The following MPPED2 variants were observed in gnomAD, a reference collection of about 807,000 sequenced individuals.
MPPED2 encodes the protein metallophosphoesterase MPPED2.
Under a neutral mutation model 33.0 loss-of-function variants are expected in MPPED2, and 5 were observed. The observed-to-expected ratio is 0.15, with a 90% CI of 0.08 to 0.32. The LOEUF (loss-of-function observed/expected upper bound fraction) is 0.32, where lower values mean the gene tolerates loss of function less well. Ranked by LOEUF, MPPED2 falls within the 10% of genes least tolerant of loss-of-function variation. The pLI is 1.00. For missense variants in MPPED2, 275 were observed against 372.1 expected, an observed-to-expected ratio of 0.74 and a Z score of 2.15; for synonymous variants, 136 against 141.9, an observed-to-expected ratio of 0.96 and a Z score of 0.29.
intron 4 of MPPED2, among the ~76,000 whole-genome samples, chr11:30,427,205 CT>C (rs1948878203): frequency 6.6e-6 from 1 of 152,176 alleles, no homozygotes. Context: ...TGGATTTTGT[CT>C]TGTTACATAG....
At chr11:30,465,239 C>G (rs1950658893) in intron 4 of MPPED2, among the ~76,000 whole-genome samples, 1 of 152,174 alleles carries the variant, frequency 6.6e-6, no homozygotes, top group South Asian at 2.1e-4. Flanking sequence ...CTACCACACA[C>G]TGGACAGTAA....
At chr11:30,555,507 T>C (rs959001068) in intron 2 of MPPED2, among the ~76,000 whole-genome samples, 1 of 152,150 alleles carries the variant, frequency 6.6e-6, no homozygotes, top group African/African-American at 2.4e-5. Context: ...TCCCCATGTG[T>C]CATGGGATGG....
chr11:30,464,268 A>ACACACACACACACAC (rs1950617729), intron 4 of MPPED2, among the ~76,000 whole-genome samples: 1 of 145,916 alleles, frequency 6.9e-6, no homozygotes, highest in African/African-American at 2.5e-5. Context: ...AAAGGATACT[A>ACACACACACACACAC]ACACACACAC....
rs1038139669 is a variant in MPPED2, at chr11:30,388,659, C to T, written c.*230G>A. On this transcript the variant is annotated 3_prime_UTR_variant, in exon 7 of 7. Transcript: ENST00000448418. ...CCTTTATGCACTGGCCCCACCTCCC[C>T]AGTCTGTTTCCTCTTCCAGCAGAGC... The T allele has an allele frequency of 2.5e-5, 10 of 406,970 alleles. No individual in the cohort carries two copies. In the South Asian group the frequency reaches 4.8e-4, roughly 20 times the overall value. 25.2% of individuals were successfully genotyped at this position (406,970 alleles called of 1,614,324 possible). A position where few individuals can be genotyped will look rare whatever the true frequency, so the allele number is the denominator to read the frequency against.
chr11:30,571,155 CTTT>C (rs762616097), intron 2 of MPPED2, among the ~76,000 whole-genome samples: 1 of 140,786 alleles, frequency 7.1e-6, no homozygotes, highest in Admixed American at 7.1e-5. Flanking sequence ...CTTTCTTTTT[CTTT>C]TTTTTTTTTT....
chr11:30,501,010 A>T (rs1447394356), intron 3 of MPPED2, among the ~76,000 whole-genome samples: 1 of 152,222 alleles, frequency 6.6e-6, no homozygotes, highest in African/African-American at 2.4e-5. Context: ...CTAGCCGACT[A>T]ATCTCCAACT....
In MPPED2 at chr11:30,426,261, A is replaced by G. The variant is rs79440068; in HGVS notation, c.537-8628T>C. Among the ~76,000 whole-genome samples the G allele has an allele frequency of 5.7e-3, 874 of 152,330 alleles. 4 individuals carry two copies. Among genetic ancestry groups the G allele is most frequent in the African/African-American group, 0.02 (822 of 41,584 alleles). Reference sequence around the variant, plus strand: ...CATGTAAGTGGAATCAGATAGTAATAGTCCTTTTGTGTCTGGCTTATTTCA... The same window carrying G: ...CATGTAAGTGGAATCAGATAGTAATGGTCCTTTTGTGTCTGGCTTATTTCA... On this transcript the variant is annotated intron_variant, in intron 4 of 6. Coordinates refer to ENST00000358117, the MANE Select transcript of MPPED2 (RefSeq NM_001584.3).
intron 2 of MPPED2, among the ~76,000 whole-genome samples, chr11:30,548,218 C>A (rs199663216): frequency 6.7e-6 from 1 of 150,022 alleles, no homozygotes; most frequent in African/African-American, 2.5e-5. Context: ...AAGTAACTAT[C>A]TTTTTTTTTT....
intron 3 of MPPED2, among the ~76,000 whole-genome samples, chr11:30,522,175 A>AC (rs1953909357): frequency 6.6e-6 from 1 of 152,176 alleles, no homozygotes; most frequent in Non-Finnish European, 1.5e-5. Context: ...TAGAAAAAAA[A>AC]ATGTCATAAA....
intron 2 of MPPED2, among the ~76,000 whole-genome samples, chr11:30,554,191 T>C (rs1013223850): frequency 2.6e-5 from 4 of 152,060 alleles, no homozygotes; most frequent in Non-Finnish European, 2.9e-5. Context: ...CTCAGTTTAG[T>C]CCAAGGCCAG....
chr11:30,515,536 A>T (rs748336494), intron 3 of MPPED2, among the ~76,000 whole-genome samples: 1 of 152,176 alleles, frequency 6.6e-6, no homozygotes, highest in African/African-American at 2.4e-5. Flanking sequence ...ACATAACAGG[A>T]TAAATTGAAT....
chr11:30,438,618 A>G (rs1225905397), intron 4 of MPPED2, among the ~76,000 whole-genome samples: 1 of 152,228 alleles, frequency 6.6e-6, no homozygotes, highest in African/African-American at 2.4e-5. Flanking sequence ...ACCCATACAT[A>G]ACTGCATAAC....
exon 7 of MPPED2, chr11:30,388,031 C>A (rs1315509151): frequency 1.3e-5 from 2 of 152,182 alleles, no homozygotes; most frequent in Non-Finnish European, 2.9e-5. Context: ...ATATGATACC[C>A]CCAGCTGTCT....
rs1435621761 is a variant in MPPED2, at chr11:30,586,279, G to A, written c.-359C>T. ...GAAAGGACCCGAGCAGCCTCGATCT[G>A]GGGAGAGAGCGAGCGAGGGGGCGAG... On this transcript the variant is annotated 5_prime_UTR_variant, in exon 1 of 7. Coordinates refer to ENST00000358117, the MANE Select transcript of MPPED2 (RefSeq NM_001584.3). The surrounding 1 kb of genome is among the most constrained non-coding windows in gnomAD (Gnocchi z 4.8). 6.5e-6 allele frequency: 1 copy of A among 153,382 alleles called. No homozygotes were observed. The highest frequency in any genetic ancestry group is 1.4e-5 in the Non-Finnish European group (1 of 69,108). The allele number at this position is 153,382 out of a possible 1,614,324, so 9.5% of individuals were successfully genotyped here.
At chr11:30,574,549 A>C (rs977209834) in intron 2 of MPPED2, among the ~76,000 whole-genome samples, 1 of 152,216 alleles carries the variant, frequency 6.6e-6, no homozygotes, top group Non-Finnish European at 1.5e-5. Flanking sequence ...AAGACGACGA[A>C]GTAGGCAACA....
chr11:30,493,931 C>A (rs80091143), intron 4 of MPPED2, among the ~76,000 whole-genome samples: 1 of 152,328 alleles, frequency 6.6e-6, no homozygotes, highest in East Asian at 1.9e-4. Flanking sequence ...TCAACTGATA[C>A]AATCAAGATT....
chr11:30,405,937 G>T (rs1947982411), downstream of MPPED2, among the ~76,000 whole-genome samples: 1 of 152,048 alleles, frequency 6.6e-6, no homozygotes. Context: ...CACATCCAAG[G>T]CTACCCAGCA....
In MPPED2 at chr11:30,578,962, A is replaced by C. The variant is rs755008997; in HGVS notation, c.128+1284T>G. ...TTTAAAGAACGTATAAAGTTCTTTCAAATAGTTTAGCAGTAACCACTTACA... is the reference window on the plus strand; with the variant it reads ...TTTAAAGAACGTATAAAGTTCTTTCCAATAGTTTAGCAGTAACCACTTACA... On this transcript the variant is annotated intron_variant, in intron 2 of 6. Transcript: ENST00000358117. Among the ~76,000 whole-genome samples, 140 of 151,910 alleles carry C rather than the reference A, an allele frequency of 9.2e-4. 1 individual carries two copies. Among genetic ancestry groups the C allele is most frequent in the Non-Finnish European group, 1.2e-3 (80 of 67,994 alleles).
intron 4 of MPPED2, among the ~76,000 whole-genome samples, chr11:30,476,892 AT>A (rs1282434486): frequency 1.3e-5 from 2 of 151,834 alleles, no homozygotes; most frequent in Non-Finnish European, 2.9e-5. Flanking sequence ...GTCTTCTTTA[AT>A]TTTTTCAGCA....
Sources: allele counts gnomAD v4.1 joint callset (sites outside exome capture counted in the v4.1 genomes callset), GRCh38; gene constraint gnomAD v4.1.1; non-coding constraint Gnocchi (gnomAD v3.1); transcripts MANE v1.5; gene names NCBI Gene and HGNC (gene_info 2026-07-23, HGNC 2026-07-21).